Variants in SCFD2 observed in about 807,000 individuals in gnomAD.
SCFD2 encodes sec1 family domain-containing protein 2.
A neutral mutation model predicts 58.9 loss-of-function variants in SCFD2; 54 were observed. The ratio of observed to expected loss-of-function variants is 0.92; its 90% CI spans 0.74 to 1.15. The LOEUF (loss-of-function observed/expected upper bound fraction) is 1.15, where lower values mean the gene tolerates loss of function less well. SCFD2 is among the 50% of genes most tolerant of loss of function. The pLI is 0.00. For missense variants in SCFD2, 805 were observed against 836.6 expected, an observed-to-expected ratio of 0.96 and a Z score of 0.47; for synonymous variants, 321 against 335.9, an observed-to-expected ratio of 0.96 and a Z score of 0.49.
intron 5 of SCFD2, among the ~76,000 whole-genome samples, chr4:53,082,174 G>A (rs1319774792): frequency 2.0e-5 from 3 of 152,148 alleles, no homozygotes; most frequent in East Asian, 3.8e-4. Context: ...AAGGTTTTGT[G>A]TATAAAAACA....
intron 4 of SCFD2, among the ~76,000 whole-genome samples, chr4:53,244,830 AAT>A (rs1553890825): frequency 3.3e-5 from 3 of 89,912 alleles, no homozygotes; most frequent in African/African-American, 6.7e-5. Context: ...GAAAAAAAAA[AAT>A]AATAATAATA....
At chr4:53,273,664 A>T (rs1731241300) in intron 4 of SCFD2, 162 bp downstream of exon 4, 1 of 610,600 alleles carries the variant, frequency 1.6e-6, no homozygotes, top group African/African-American at 1.9e-5. Flanking sequence ...GTGTGAAAAA[A>T]GTTTCTACTT....
intron 4 of SCFD2, among the ~76,000 whole-genome samples, chr4:53,238,129 G>A (rs1341494189): frequency 7.6e-5 from 10 of 130,938 alleles, no homozygotes; most frequent in South Asian, 2.6e-4. Context: ...AGGGGTGGCC[G>A]GGCAGAGGTG....
At chr4:53,114,219 G>A (rs1725255541) in intron 5 of SCFD2, among the ~76,000 whole-genome samples, 1 of 152,116 alleles carries the variant, frequency 6.6e-6, no homozygotes, top group Admixed American at 6.6e-5. Context: ...CACTATGTTA[G>A]ATTTTGTTAA....
rs767722198 is a variant in SCFD2 at position 53,352,761 on chromosome 4, C to G, written c.844G>C (p.Val282Leu). 2 of 1,613,452 alleles carry G rather than the reference C, an allele frequency of 1.2e-6. No individual in the cohort carries two copies. The highest frequency in any genetic ancestry group is 8.5e-7 in the Non-Finnish European group (1 of 1,179,502). Residue 282 changes from valine to leucine, a missense_variant, in exon 2 of 9, where the codon GTT becomes CTT. Transcript: ENST00000401642. ...ACTAAGTTGTCTCCATGATGTCCAACTGCTCCTGTTTAAGCAGACAAGATG... is the reference window on the plus strand; with the variant it reads ...ACTAAGTTGTCTCCATGATGTCCAAGTGCTCCTGTTTAAGCAGACAAGATG... ...VDRTLDLTGA[V>L]GHHGDNLVEK... is the part of the protein sequence containing the mutation.
At chr4:53,086,638 CA>C (rs1324476449) in intron 5 of SCFD2, among the ~76,000 whole-genome samples, 15 of 152,180 alleles carry the variant, frequency 9.9e-5, no homozygotes, top group Non-Finnish European at 1.9e-4. Context: ...CCTAAATGTC[CA>C]TCAACAGATA....
At chr4:53,103,897 T>TAAAAAAA (rs34101811) in intron 5 of SCFD2, among the ~76,000 whole-genome samples, 12 of 74,372 alleles carry the variant, frequency 1.6e-4, no homozygotes, top group South Asian at 4.2e-4. Context: ...CAATATGAGC[T>TAAAAAAA]AAAAAAAAAA....
chr4:53,277,905 T>C (rs1731377745), intron 3 of SCFD2, among the ~76,000 whole-genome samples: 1 of 151,192 alleles, frequency 6.6e-6, no homozygotes, highest in Non-Finnish European at 1.5e-5. Context: ...GCAAAAAAAT[T>C]AGTTGGGCTT....
chr4:52,997,727 C>T (rs1721775507), intron 5 of SCFD2, among the ~76,000 whole-genome samples: 2 of 152,148 alleles, frequency 1.3e-5, no homozygotes, highest in Admixed American at 1.3e-4. Context: ...TATGGTGTAA[C>T]CCCCTCACCA....
At chr4:52,932,801 T>A (rs958863840) in intron 5 of SCFD2, among the ~76,000 whole-genome samples, 14 of 152,168 alleles carry the variant, frequency 9.2e-5, no homozygotes, top group Middle Eastern at 6.3e-3. Context: ...CCACTGCACC[T>A]GTTGTTGTAA....
chr4:53,340,231 C>T (rs757734666), intron 2 of SCFD2, among the ~76,000 whole-genome samples: 10 of 152,258 alleles, frequency 6.6e-5, no homozygotes, highest in South Asian at 2.1e-4. Context: ...CTGTGACAGA[C>T]GGCACCTGGA....
At chr4:53,178,114 A>T (rs1393771619) in intron 4 of SCFD2, among the ~76,000 whole-genome samples, 3 of 152,178 alleles carry the variant, frequency 2.0e-5, no homozygotes, top group Non-Finnish European at 1.5e-5. Flanking sequence ...GACAACAGTA[A>T]CCTCTGCAGA....
At chr4:53,335,212 AAC>A (rs1560453473) in intron 2 of SCFD2, among the ~76,000 whole-genome samples, 10 of 84,856 alleles carry the variant, frequency 1.2e-4, no homozygotes, top group South Asian at 5.0e-4. Flanking sequence ...AAAAAAAAAA[AAC>A]AACAAAAAAA....
intron 6 of SCFD2, among the ~76,000 whole-genome samples, chr4:52,918,530 A>G (rs1417396439): frequency 1.3e-5 from 2 of 152,164 alleles, no homozygotes; most frequent in Non-Finnish European, 2.9e-5. Context: ...ATTACCCATA[A>G]TCCCATTAAA....
At chr4:53,249,590 G>A (rs551694534) in intron 4 of SCFD2, among the ~76,000 whole-genome samples, 2 of 152,350 alleles carry the variant, frequency 1.3e-5, no homozygotes, top group East Asian at 3.9e-4. Flanking sequence ...AAGCCCATCA[G>A]ACTCACAGCA....
intron 5 of SCFD2, among the ~76,000 whole-genome samples, chr4:52,946,860 T>A (rs1720444452): frequency 6.6e-6 from 1 of 152,128 alleles, no homozygotes; most frequent in South Asian, 2.1e-4. Context: ...AAAGTAGACA[T>A]CAGAAGAAAA....
At chr4:53,086,901 G>A (rs935516824) in intron 5 of SCFD2, among the ~76,000 whole-genome samples, 1 of 152,076 alleles carries the variant, frequency 6.6e-6, no homozygotes, top group Non-Finnish European at 1.5e-5. Context: ...ATGGGGGGTT[G>A]TGGGGTAGTG....
intron 2 of SCFD2, among the ~76,000 whole-genome samples, chr4:53,347,171 C>T (rs913846882): frequency 6.6e-6 from 1 of 152,164 alleles, no homozygotes; most frequent in Non-Finnish European, 1.5e-5. Context: ...ATAGTTTCCC[C>T]CTTTTTTGCA....
At chr4:52,939,000 C>T (rs1483550506) in intron 5 of SCFD2, among the ~76,000 whole-genome samples, 2 of 152,146 alleles carry the variant, frequency 1.3e-5, no homozygotes, top group Non-Finnish European at 1.5e-5. Context: ...ACCACTCCCC[C>T]TTTTACCTGC....
Sources: allele counts gnomAD v4.1 joint callset (sites outside exome capture counted in the v4.1 genomes callset), GRCh38; gene constraint gnomAD v4.1.1; transcripts MANE v1.5; gene names NCBI Gene and HGNC (gene_info 2026-07-23, HGNC 2026-07-21).